The following CLNK variants were observed in gnomAD, a reference collection of about 807,000 sequenced individuals.
CLNK encodes the protein cytokine dependent hematopoietic cell linker.
A neutral mutation model predicts 68.6 loss-of-function variants in CLNK; 74 were observed. That is an observed-to-expected ratio of 1.08 (90% CI 0.89 to 1.31). CLNK has a LOEUF of 1.31. Ranked by LOEUF, CLNK falls within the 50% of genes most tolerant of loss-of-function variation. CLNK has a pLI of 0.00. For missense variants in CLNK, 553 were observed against 515.3 expected (o/e 1.07, Z -0.71); for synonymous variants, 198 against 172.2 (o/e 1.15, Z -1.17).
At chr4:10,656,449 T>A (rs1362995946) in intron 2 of CLNK, 1 of 151,636 alleles carries the variant, frequency 6.6e-6, no homozygotes, top group Non-Finnish European at 1.5e-5. Context: ...TACACCATAG[T>A]CAACAAAATA....
At chr4:10,527,771 G>A (rs1718381396) in intron 13 of CLNK, among the ~76,000 whole-genome samples, 1 of 152,144 alleles carries the variant, frequency 6.6e-6, no homozygotes, top group Non-Finnish European at 1.5e-5. Context: ...TTTGGAGCAG[G>A]GGACTAGTTA....
intron 2 of CLNK, among the ~76,000 whole-genome samples, chr4:10,653,463 A>G (rs1204402353): frequency 2.6e-5 from 4 of 152,222 alleles, no homozygotes; most frequent in African/African-American, 4.8e-5. Context: ...ATCAGTGACA[A>G]GGTAGTAAAA....
chr4:10,647,691 C>T (rs1197369137), intron 2 of CLNK, among the ~76,000 whole-genome samples: 1 of 152,072 alleles, frequency 6.6e-6, no homozygotes, highest in African/African-American at 2.4e-5. Flanking sequence ...GAGGCCTTTC[C>T]TATATATCCA....
rs114614610 is a variant in CLNK, at chr4:10,601,805, T to C, written c.12-3756A>G. On this transcript the variant is annotated intron_variant, in intron 2 of 18. Transcript: ENST00000226951. ...CATCCCACCCACCTAGTGAAATGAA[T>C]CACAAAAGCTTTTTAAACTGCTGCT... Among the ~76,000 whole-genome samples, 263 of 152,224 alleles carry C rather than the reference T, an allele frequency of 1.7e-3. 1 individual carries two copies. The highest frequency in any genetic ancestry group is 6.0e-3 in the African/African-American group (250 of 41,540).
chr4:10,690,078 T>C, the CLNK span, among the ~76,000 whole-genome samples: 2 of 152,200 alleles, frequency 1.3e-5, no homozygotes, highest in Non-Finnish European at 2.9e-5. Context: ...CCATGGTCTA[T>C]GGCATGAGTT....
intron 2 of CLNK, among the ~76,000 whole-genome samples, chr4:10,645,303 G>A (rs761827927): frequency 6.6e-6 from 1 of 152,134 alleles, no homozygotes; most frequent in Non-Finnish European, 1.5e-5. Context: ...TCATGTCACT[G>A]TCCCCAGAGT....
chr4:10,491,117 T>C (rs960601358), intron 18 of CLNK, among the ~76,000 whole-genome samples: 2 of 152,180 alleles, frequency 1.3e-5, no homozygotes, highest in Non-Finnish European at 2.9e-5. Context: ...GTGATAAGAA[T>C]GATAACAAGA....
chr4:10,658,880 C>T (rs1028954037), intron 2 of CLNK, among the ~76,000 whole-genome samples: 20 of 152,142 alleles, frequency 1.3e-4, no homozygotes, highest in African/African-American at 4.1e-4. Flanking sequence ...GGGTGGGATA[C>T]GTTGTTGTAG....
chr4:10,623,884 G>A (rs61794856), intron 2 of CLNK, among the ~76,000 whole-genome samples: 6,274 of 152,272 alleles, frequency 0.041, 190 homozygotes, highest in Middle Eastern at 0.099. Context: ...TCTCTTAAAC[G>A]GTAAGAAATG....
intron 2 of CLNK, among the ~76,000 whole-genome samples, chr4:10,606,336 C>A (rs983176667): frequency 2.0e-5 from 3 of 152,120 alleles, no homozygotes; most frequent in African/African-American, 7.2e-5. Flanking sequence ...TCGTCAGGGG[C>A]AATGACACGC....
chr4:10,660,671 G>C (rs1724160409), intron 2 of CLNK, among the ~76,000 whole-genome samples: 1 of 152,194 alleles, frequency 6.6e-6, no homozygotes, highest in African/African-American at 2.4e-5. Context: ...GTGGTGATAA[G>C]CTAGTTAAGT....
chr4:10,691,865 T>G, the CLNK span, among the ~76,000 whole-genome samples: 1 of 152,156 alleles, frequency 6.6e-6, no homozygotes, highest in African/African-American at 2.4e-5. Context: ...GATGAGCTTC[T>G]TATTAGTACA....
intron 8 of CLNK, among the ~76,000 whole-genome samples, chr4:10,547,866 C>A (rs994561950): frequency 6.6e-6 from 1 of 151,936 alleles, no homozygotes; most frequent in African/African-American, 2.4e-5. Flanking sequence ...GTGTATATAC[C>A]ACAATTTTTT....
chr4:10,656,697 C>T (rs1447174445), intron 2 of CLNK: 1 of 152,054 alleles, frequency 6.6e-6, no homozygotes, highest in Non-Finnish European at 1.5e-5. Flanking sequence ...AAATTTCAGT[C>T]CTAGGAATAT....
intron 4 of CLNK, among the ~76,000 whole-genome samples, chr4:10,581,669 T>A (rs75683126): frequency 1.3e-4 from 18 of 134,252 alleles, no homozygotes; most frequent in South Asian, 2.4e-4. Context: ...TTTTTTTTTT[T>A]AAATCTGTGC....
rs1371639305 is a variant in CLNK at position 10,542,240 on chromosome 4, A to G, written c.471+15T>C. 2.7e-6 allele frequency: 4 copies of G among 1,487,414 alleles called. No homozygotes were observed. The highest frequency in any genetic ancestry group is 2.8e-6 in the Non-Finnish European group (3 of 1,085,118). The allele number at this position is 1,487,414 out of a possible 1,614,324, so 92.1% of individuals were successfully genotyped here. ...AAATAATGAATAACAAATGCATTTT[A>G]TTGATTTCTCTTACCTTGTTCTTTC... On this transcript the variant is annotated intron_variant, in intron 9 of 18. Transcript: ENST00000226951.
chr4:10,713,491 G>C, the CLNK span, among the ~76,000 whole-genome samples: 1 of 152,132 alleles, frequency 6.6e-6, no homozygotes, highest in Non-Finnish European at 1.5e-5. Context: ...GGGAAGATGA[G>C]GTCATGGCCC....
intron 2 of CLNK, among the ~76,000 whole-genome samples, chr4:10,665,441 G>A (rs757956761): frequency 1.9e-4 from 29 of 152,044 alleles, no homozygotes; most frequent in Non-Finnish European, 3.7e-4. Context: ...CGAGGCTGGC[G>A]GATCATGAGG....
intron 3 of CLNK, among the ~76,000 whole-genome samples, chr4:10,591,838 G>T (rs776264560): frequency 1.3e-5 from 2 of 152,212 alleles, no homozygotes; most frequent in African/African-American, 2.4e-5. Flanking sequence ...GAATCCATGG[G>T]TTCATTCTTT....
Sources: allele counts gnomAD v4.1 joint callset (sites outside exome capture counted in the v4.1 genomes callset), GRCh38; gene constraint gnomAD v4.1.1; transcripts MANE v1.5; gene names NCBI Gene and HGNC (gene_info 2026-07-23, HGNC 2026-07-21).